KCTD1: variants seen among roughly 807,000 people sequenced by gnomAD.
KCTD1 encodes the protein potassium channel tetramerization domain containing 1, also known as BTB/POZ domain-containing protein KCTD1.
KCTD1 carries 24 observed loss-of-function variants against 66.0 expected under a neutral mutation model. The ratio of observed to expected loss-of-function variants is 0.36; its 90% confidence interval spans 0.26 to 0.51. KCTD1 has a LOEUF of 0.51. KCTD1 is among the 20% of genes least tolerant of loss of function. KCTD1 has a pLI of 0.95. For missense variants in KCTD1, 943 were observed against 1,205.2 expected, an observed-to-expected ratio of 0.78 and a Z score of 3.22; for synonymous variants, 511 against 517.2, an observed-to-expected ratio of 0.99 and a Z score of 0.16.
intron 1 of KCTD1, among the ~76,000 whole-genome samples, chr18:26,519,803 A>G (rs1351920028): frequency 6.6e-6 from 1 of 152,246 alleles, no homozygotes; most frequent in Non-Finnish European, 1.5e-5. Context: ...GTAAGAAATT[A>G]GCATATTTGA....
intron 3 of KCTD1, among the ~76,000 whole-genome samples, chr18:26,464,911 A>T (rs1004085159): frequency 1.3e-5 from 2 of 152,218 alleles, no homozygotes; most frequent in East Asian, 1.9e-4. Context: ...ACAGCAACCA[A>T]GTAGTGGTCA....
chr18:26,495,130 A>G (rs1472168982), intron 2 of KCTD1, among the ~76,000 whole-genome samples: 1 of 151,972 alleles, frequency 6.6e-6, no homozygotes, highest in Non-Finnish European at 1.5e-5. Flanking sequence ...ATTTCTGTTG[A>G]GATCCTAAAA....
chr18:26,596,284 C>T (rs1310077877), intron 1 of KCTD1, among the ~76,000 whole-genome samples: 1 of 152,046 alleles, frequency 6.6e-6, no homozygotes, highest in African/African-American at 2.4e-5. Flanking sequence ...CTCTCTCTTT[C>T]TTCTTTTTGT....
At chr18:26,517,919 G>C (rs1464487053) in intron 1 of KCTD1, among the ~76,000 whole-genome samples, 1 of 152,240 alleles carries the variant, frequency 6.6e-6, no homozygotes, top group Non-Finnish European at 1.5e-5. Flanking sequence ...AGCTACAAGA[G>C]ACAGACTCAG....
chr18:26,614,166 G>T (rs60569633), intron 1 of KCTD1, among the ~76,000 whole-genome samples: 2,629 of 152,110 alleles, frequency 0.017, 75 homozygotes, highest in African/African-American at 0.059. Context: ...CTACTCCATG[G>T]GAACAGAAAC....
intron 1 of KCTD1, among the ~76,000 whole-genome samples, chr18:26,602,652 C>G (rs922466063): frequency 1.3e-5 from 2 of 152,166 alleles, no homozygotes; most frequent in African/African-American, 4.8e-5. Flanking sequence ...TTATCTGTTT[C>G]TTCCACAGGC....
Position 26,546,852 on chromosome 18 carries a change from G to C in KCTD1, c.1685C>G (p.Pro562Arg), listed in dbSNP as rs1985247181. Reference sequence around the variant, plus strand: ...GGAAACCACCACCACCGCATCCACAGGCTCCGAGGGGCGGATACAAAGTCT... The same window carrying C: ...GGAAACCACCACCACCGCATCCACACGCTCCGAGGGGCGGATACAAAGTCT... The part of the protein sequence containing the change: ...PKRLCIRPSE[P>R]VDAVVVVSVK... Residue 562 changes from proline to arginine, a missense_variant, in exon 1 of 5, where the codon CCT becomes CGT. Pro to Arg is a moderately radical substitution (Grantham distance 103). Transcript: ENST00000580059. 4 of 1,508,792 alleles carry C rather than the reference G, an allele frequency of 2.7e-6. No individual in the cohort carries two copies. Among genetic ancestry groups the C allele is most frequent in the Non-Finnish European group, 3.5e-6 (4 of 1,130,188 alleles). The allele number at this position is 1,508,792 out of a possible 1,614,324, so 93.5% of individuals were successfully genotyped here.
chr18:26,500,635 T>A (rs1982711858), intron 2 of KCTD1, among the ~76,000 whole-genome samples: 1 of 152,204 alleles, frequency 6.6e-6, no homozygotes, highest in African/African-American at 2.4e-5. Context: ...CAGATCTAAA[T>A]ATAATGCCTC....
At chr18:26,536,772 T>C (rs1244071317) in intron 1 of KCTD1, among the ~76,000 whole-genome samples, 3 of 152,238 alleles carry the variant, frequency 2.0e-5, no homozygotes, top group Non-Finnish European at 4.4e-5. Context: ...GAAATGAATC[T>C]GCTTTTCAGT....
At chr18:26,505,240 G>T (rs893790329) in intron 1 of KCTD1, among the ~76,000 whole-genome samples, 2 of 152,190 alleles carry the variant, frequency 1.3e-5, no homozygotes. Context: ...GTTCATCATC[G>T]TCCTCAACTC....
intron 2 of KCTD1, among the ~76,000 whole-genome samples, chr18:26,494,245 C>A (rs1011624667): frequency 2.6e-5 from 4 of 152,122 alleles, no homozygotes; most frequent in Non-Finnish European, 4.4e-5. Flanking sequence ...GTGGTGCATG[C>A]CTACAGTCCC....
At chr18:26,574,029 C>CACGT (rs1261323489) in intron 1 of KCTD1, among the ~76,000 whole-genome samples, 8 of 152,162 alleles carry the variant, frequency 5.3e-5, no homozygotes, top group Admixed American at 2.0e-4. Flanking sequence ...GAGCCACTGA[C>CACGT]ACGTGTTGGC....
At chr18:26,575,082 T>C (rs919636646) in intron 1 of KCTD1, among the ~76,000 whole-genome samples, 3 of 152,168 alleles carry the variant, frequency 2.0e-5, no homozygotes, top group Non-Finnish European at 4.4e-5. Context: ...TCCTCTGCCA[T>C]TGTCTTATCA....
chr18:26,581,779 C>CACA (rs766623243), intron 1 of KCTD1: 2 of 151,982 alleles, frequency 1.3e-5, no homozygotes, highest in Non-Finnish European at 2.9e-5. Flanking sequence ...ATGAATATAA[C>CACA]ACAACACCTA....
At chr18:26,647,947 C>A (rs1987961718) in intron 1 of KCTD1, among the ~76,000 whole-genome samples, 1 of 152,062 alleles carries the variant, frequency 6.6e-6, no homozygotes, top group Non-Finnish European at 1.5e-5. Flanking sequence ...TCAAGTGATT[C>A]TCCCGCCTCA....
intron 3 of KCTD1, among the ~76,000 whole-genome samples, chr18:26,474,267 T>C (rs73399536): frequency 0.077 from 11,664 of 152,238 alleles, 1,434 homozygotes; most frequent in African/African-American, 0.26. Context: ...CAATGAACTT[T>C]CTTTTTTAGA....
At position 26,502,571 on chromosome 18, in the gene KCTD1, C is replaced by T. The variant is rs544500328; in HGVS notation, c.1810-1321G>A. Reference sequence around the variant, plus strand: ...ATAAATATTTCAAATGCTATCAAAACACGGTTGTTTGCTTTTCAATTAGAG... The same window carrying T: ...ATAAATATTTCAAATGCTATCAAAATACGGTTGTTTGCTTTTCAATTAGAG... On this transcript the variant is annotated intron_variant, in intron 1 of 4. Coordinates refer to ENST00000580059, the MANE Select transcript of KCTD1 (RefSeq NM_001142730.3). Among the ~76,000 whole-genome samples, 7 of 152,292 alleles carry T rather than the reference C, an allele frequency of 4.6e-5. No homozygotes were observed. The East Asian group carries it at 1.2e-3, about 25-fold the overall frequency.
chr18:26,557,237 G>C (rs1399277015), intron 1 of KCTD1, among the ~76,000 whole-genome samples: 1 of 152,172 alleles, frequency 6.6e-6, no homozygotes, highest in Non-Finnish European at 1.5e-5. Flanking sequence ...AATTCCTCAA[G>C]CTTTTTTTGC....
At chr18:26,559,882 G>A (rs978018236) in intron 1 of KCTD1, among the ~76,000 whole-genome samples, 20 of 152,132 alleles carry the variant, frequency 1.3e-4, no homozygotes, top group African/African-American at 2.4e-5. Context: ...GCTGCAGGAC[G>A]CAATGGCCAG....
Sources: gnomAD v4.1 joint callset for allele counts (sites outside exome capture counted in the v4.1 genomes callset) on GRCh38, gnomAD v4.1.1 for gene constraint, MANE v1.5 for transcripts, NCBI Gene and HGNC (gene_info 2026-07-23, HGNC 2026-07-21) for gene names.